Variants in MFAP5 observed in about 807,000 individuals in gnomAD.
MFAP5 encodes the protein microfibril associated protein 5, also known as microfibrillar-associated protein 5.
Under a neutral mutation model 30.1 loss-of-function variants are expected in MFAP5, and 19 were observed. That is an observed-to-expected ratio of 0.63 (90% confidence interval 0.44 to 0.93). The LOEUF is 0.93. Among genes scored for constraint, MFAP5 ranks in the 40% least tolerant of loss-of-function variants. The pLI is 0.00. For missense variants in MFAP5, 210 were observed against 221.3 expected (o/e 0.95, Z 0.32); for synonymous variants, 92 against 72.9 (o/e 1.26, Z -1.33).
chr12:8,656,666 A>ATTTT lies in MFAP5; in HGVS notation c.95-837_95-836insAAAA, dbSNP rs1465516929. Among the ~76,000 whole-genome samples, 928 of 119,100 alleles carry ATTTT rather than the reference A, an allele frequency of 7.8e-3. 3 individuals carry two copies. Among genetic ancestry groups the ATTTT allele is most frequent in the Non-Finnish European group, 0.011 (661 of 57,764 alleles). 78.1% of individuals were successfully genotyped at this position (119,100 alleles called of 152,430 possible). A position where few individuals can be genotyped will look rare whatever the true frequency, so the allele number is the denominator to read the frequency against. On this transcript the variant is annotated intron_variant, in intron 3 of 9. Coordinates refer to ENST00000359478, the MANE Select transcript of MFAP5 (RefSeq NM_003480.4). ...CACACACACATATATATATATATAT[A>ATTTT]TATTTTTTTTTTTTGAGACAGAGTC...
At chr12:8,654,269 G>C in intron 6 of MFAP5, 168 bp downstream of exon 6, 1 of 597,682 alleles carries the variant, frequency 1.7e-6, no homozygotes, top group Non-Finnish European at 2.9e-6. Flanking sequence ...CTGTTTGTCA[G>C]GTGTTCAACA....
At chr12:8,656,611 T>C (rs867853471) in intron 3 of MFAP5, among the ~76,000 whole-genome samples, 62 of 133,058 alleles carry the variant, frequency 4.7e-4, no homozygotes, top group East Asian at 2.4e-3. Flanking sequence ...CACACACACA[T>C]ATATATACAC....
chr12:8,660,268 A>G (rs2136482241), intron 3 of MFAP5, among the ~76,000 whole-genome samples: 1 of 150,934 alleles, frequency 6.6e-6, no homozygotes, highest in African/African-American at 2.4e-5. Flanking sequence ...GGCTCACTGC[A>G]ACCGCAGCCT....
At chr12:8,661,536 T>C (rs1942150669) in intron 2 of MFAP5, among the ~76,000 whole-genome samples, 1 of 151,942 alleles carries the variant, frequency 6.6e-6, no homozygotes, top group Non-Finnish European at 1.5e-5. Context: ...TCCAGTTTCT[T>C]TTTTTCTTTT....
chr12:8,662,243 C>A, intron 1 of MFAP5, 137 bp from the exon 2 acceptor site: 1 of 649,202 alleles, frequency 1.5e-6, no homozygotes. Flanking sequence ...ATGACTCAAA[C>A]CCTTTCTCTC....
At chr12:8,660,471 G>A (rs991928592) in intron 3 of MFAP5, among the ~76,000 whole-genome samples, 1 of 152,090 alleles carries the variant, frequency 6.6e-6, no homozygotes, top group Non-Finnish European at 1.5e-5. Context: ...ATGGGTATAA[G>A]ATGACTTCTT....
intron 3 of MFAP5, among the ~76,000 whole-genome samples, chr12:8,656,730 A>C (rs1216667953): frequency 7.4e-6 from 1 of 135,958 alleles, no homozygotes; most frequent in East Asian, 2.2e-4. Context: ...ACAGCAGCGC[A>C]CGATCTCGGC....
At chr12:8,652,216 A>G (rs752136869) in intron 6 of MFAP5, among the ~76,000 whole-genome samples, 108 of 152,050 alleles carry the variant, frequency 7.1e-4, no homozygotes, top group Middle Eastern at 3.4e-3. Flanking sequence ...AGGCCAAGGC[A>G]GGTAGATTAT....
In MFAP5 at chr12:8,648,174, G is replaced by T. The variant is rs751413606; in HGVS notation, c.439C>A (p.Pro147Thr). The T allele has an allele frequency of 1.2e-6, 2 of 1,613,732 alleles. No individual in the cohort carries two copies. Among genetic ancestry groups the T allele is most frequent in the Non-Finnish European group, 1.7e-6 (2 of 1,179,730 alleles). The change falls in exon 10 of 10, where the codon CCC becomes ACC. Residue 147 changes from proline to threonine, a missense_variant. Pro to Thr is a conservative substitution (Grantham distance 38). Coordinates refer to ENST00000359478, the MANE Select transcript of MFAP5 (RefSeq NM_003480.4). ...DELCRQMAGL[P>T]PRRLRRSNYF... ...TTGGAGCGACGGAGTCTCCTAGGGG[G>T]CAGACCAGCCATCTGACGGCAAAGC...
At position 8,647,654 on chromosome 12, in the gene MFAP5, G is replaced by A. The variant is rs1401484363; in HGVS notation, c.*437C>T. 2 of 152,278 alleles carry A rather than the reference G, an allele frequency of 1.3e-5. No individual in the cohort carries two copies. The highest frequency in any genetic ancestry group is 4.8e-5 in the African/African-American group (2 of 41,434). The allele number at this position is 152,278 out of a possible 1,614,324, so 9.4% of individuals were successfully genotyped here. ...GGAACACGTGAATGATGGGGAGTTG[G>A]TCTAGGAAAATATTGTGAGGAAAAT... is the stretch of plus-strand genomic sequence containing the variant. On this transcript the variant is annotated 3_prime_UTR_variant, in exon 10 of 10. Coordinates refer to ENST00000359478, the MANE Select transcript of MFAP5 (RefSeq NM_003480.4).
Position 8,654,371 on chromosome 12 carries a change from C to T in MFAP5, c.217+66G>A. ...GATCCTTCAGCAGCTGCACACTATC[C>T]AGAATGGGCTCTGGGGAAAGCCTAG... On this transcript the variant is annotated intron_variant, in intron 6 of 9. Transcript: ENST00000359478. 2.7e-6 allele frequency: 4 copies of T among 1,474,078 alleles called. No homozygotes were observed. The South Asian group carries it at 4.9e-5, about 18-fold the overall frequency. The allele number at this position is 1,474,078 out of a possible 1,614,324, so 91.3% of individuals were successfully genotyped here. A position where few individuals can be genotyped will look rare whatever the true frequency, so the allele number is the denominator to read the frequency against.
At chr12:8,654,546 A>G in intron 5 of MFAP5, 65 bp from the exon 6 acceptor site, 3 of 1,470,742 alleles carry the variant, frequency 2.0e-6, no homozygotes, top group Non-Finnish European at 2.8e-6. Context: ...GCAGAGTAAG[A>G]AAAGGGAGAA....
rs1015841546 is a variant in MFAP5, at chr12:8,649,590, T to C, written c.336-16A>G. 6.2e-7 allele frequency: 1 copy of C among 1,611,788 alleles called. No homozygotes were observed. Among genetic ancestry groups the C allele is most frequent in the Non-Finnish European group, 8.5e-7 (1 of 1,178,218 alleles). On this transcript the variant is annotated splice_polypyrimidine_tract_variant and intron_variant, in intron 8 of 9. Coordinates refer to ENST00000359478, the MANE Select transcript of MFAP5 (RefSeq NM_003480.4). ...ACGTCGTAAACTGCAGACGTCCCAGTGTCATAGGCAAGGAAGGAGATGGAA... is the reference window on the plus strand; with the variant it reads ...ACGTCGTAAACTGCAGACGTCCCAGCGTCATAGGCAAGGAAGGAGATGGAA...
rs370511429 is a variant in MFAP5 at position 8,648,056 on chromosome 12, C to T, written c.*35G>A. 5 of 1,489,566 alleles carry T rather than the reference C, an allele frequency of 3.4e-6. No individual in the cohort carries two copies. Among genetic ancestry groups the T allele is most frequent in the Non-Finnish European group, 2.8e-6 (3 of 1,069,090 alleles). 92.3% of individuals were successfully genotyped at this position (1,489,566 alleles called of 1,614,324 possible). ...AGAAGGAGATCCTCCTTCCTCTCAC[C>T]CATACATTTTTTCTTCTTTCCTCTT... On this transcript the variant is annotated 3_prime_UTR_variant, in exon 10 of 10. Coordinates refer to ENST00000359478, the MANE Select transcript of MFAP5 (RefSeq NM_003480.4).
At position 8,651,750 on chromosome 12, in the gene MFAP5, C is replaced by A. The variant is rs778258377; in HGVS notation, c.218-59G>T. Reference sequence around the variant, plus strand: ...ATTCTAGAAGTTACTACTTCTGTAACTGCCACACTGCCTCACTTAGGACCT... The same window carrying A: ...ATTCTAGAAGTTACTACTTCTGTAAATGCCACACTGCCTCACTTAGGACCT... On this transcript the variant is annotated intron_variant, in intron 6 of 9. Transcript: ENST00000359478. 4.8e-5 allele frequency: 70 copies of A among 1,470,926 alleles called. 2 individuals are homozygous for A. The South Asian group carries it at 7.0e-4, about 15-fold the overall frequency. 91.1% of individuals were successfully genotyped at this position (1,470,926 alleles called of 1,614,324 possible).
chr12:8,655,696 T>C, intron 4 of MFAP5, 90 bp downstream of exon 4: 1 of 1,471,520 alleles, frequency 6.8e-7, no homozygotes, highest in Admixed American at 1.8e-5. Flanking sequence ...CCAACCCTTC[T>C]GAAGTCTTTA....
chr12:8,658,285 G>A (rs1163373595), intron 3 of MFAP5, among the ~76,000 whole-genome samples: 1 of 152,140 alleles, frequency 6.6e-6, no homozygotes, highest in African/African-American at 2.4e-5. Context: ...AGGAGGCGGA[G>A]GTTGCAGTGA....
Position 8,661,321 on chromosome 12 carries a change from A to G in MFAP5, c.59-423T>C, listed in dbSNP as rs562262931. On this transcript the variant is annotated intron_variant, in intron 2 of 9. Transcript: ENST00000359478. ...TCAATCTGTATCGGAAGAAGGAGGG[A>G]AAAAAATAGAGTAGGACATCTTTAC... is the stretch of plus-strand genomic sequence containing the variant. 2.5e-3 allele frequency among the ~76,000 whole-genome samples: 377 copies of G among 152,174 alleles called. 1 individual carries two copies. The highest frequency in any genetic ancestry group is 6.8e-3 in the Middle Eastern group (2 of 294).
intron 3 of MFAP5, among the ~76,000 whole-genome samples, chr12:8,657,119 A>T (rs759505867): frequency 4.4e-4 from 67 of 152,370 alleles, no homozygotes; most frequent in Non-Finnish European, 8.2e-4. Context: ...TCAAAATGTC[A>T]TGGTGGATAC....
Sources: allele counts gnomAD v4.1 joint callset (sites outside exome capture counted in the v4.1 genomes callset), GRCh38; gene constraint gnomAD v4.1.1; transcripts MANE v1.5; gene names NCBI Gene and HGNC (gene_info 2026-07-23, HGNC 2026-07-21).